Variants in PKNOX2 observed in about 807,000 individuals in gnomAD.
PKNOX2 encodes homeobox protein PKNOX2.
Under a neutral mutation model 53.1 loss-of-function variants are expected in PKNOX2, and 14 were observed. That is an observed-to-expected ratio of 0.26 (90% CI 0.17 to 0.41). PKNOX2 has a LOEUF of 0.41. Ranked by LOEUF, PKNOX2 falls within the 10% of genes least tolerant of loss-of-function variation. PKNOX2 has a pLI of 1.00. For missense variants in PKNOX2, 496 were observed against 602.8 expected, an observed-to-expected ratio of 0.82 and a Z score of 1.85; for synonymous variants, 257 against 242.8, an observed-to-expected ratio of 1.06 and a Z score of -0.54.
intron 2 of PKNOX2, among the ~76,000 whole-genome samples, chr11:125,270,346 C>T (rs535756152): frequency 6.6e-6 from 1 of 152,324 alleles, no homozygotes; most frequent in Non-Finnish European, 1.5e-5. Flanking sequence ...TGGGAGACTG[C>T]AGGTCCTGCC....
At chr11:125,349,845 A>ACACG (rs1951203520) in intron 3 of PKNOX2, among the ~76,000 whole-genome samples, 1 of 135,908 alleles carries the variant, frequency 7.4e-6, no homozygotes. Flanking sequence ...AATCACACAC[A>ACACG]CACACACACA....
rs559370720 is a variant in PKNOX2, at chr11:125,431,828, A to G, written c.*436A>G. The G allele has an allele frequency of 8.4e-5, 14 of 166,488 alleles. No homozygotes were observed. The East Asian group carries it at 2.4e-3, about 28-fold the overall frequency. 10.3% of individuals were successfully genotyped at this position (166,488 alleles called of 1,614,324 possible). On this transcript the variant is annotated 3_prime_UTR_variant, in exon 13 of 13. Coordinates refer to ENST00000298282, the MANE Select transcript of PKNOX2 (RefSeq NM_001382323.2). ...GAAGGAAGGGGAGAGACAAAGGGGG[A>G]CTGAGTTTCATCCCCAGAAGTTTCT...
chr11:125,337,080 T>C (rs192939973), intron 3 of PKNOX2, among the ~76,000 whole-genome samples: 49 of 152,230 alleles, frequency 3.2e-4, no homozygotes, highest in Non-Finnish European at 5.7e-4. Flanking sequence ...ATTTAGAAGA[T>C]TTATACTGTT....
In PKNOX2 at chr11:125,370,557, C is replaced by T. The variant is rs143265866; in HGVS notation, c.227+2572C>T. Among the ~76,000 whole-genome samples the T allele has an allele frequency of 3.0e-4, 45 of 152,374 alleles. No individual in the cohort carries two copies. The highest frequency in any genetic ancestry group is 1.1e-3 in the African/African-American group (44 of 41,586). ...AGCTGTCTGACCTGGAAGAGGGAAT[C>T]CCAGGCAAACGCGGCTGCCCCAGCA... On this transcript the variant is annotated intron_variant, in intron 5 of 12. Transcript: ENST00000298282. The surrounding 1 kb of genome is among the most constrained non-coding windows in gnomAD (Gnocchi z 4.1).
intron 1 of PKNOX2, among the ~76,000 whole-genome samples, chr11:125,226,018 A>G (rs73617554): frequency 6.6e-6 from 1 of 152,182 alleles, no homozygotes; most frequent in African/African-American, 2.4e-5. Flanking sequence ...AGGTGTGGCA[A>G]CTTGCCTCCT....
chr11:125,327,501 G>A (rs1949893609), intron 2 of PKNOX2, among the ~76,000 whole-genome samples: 1 of 152,212 alleles, frequency 6.6e-6, no homozygotes, highest in African/African-American at 2.4e-5. Context: ...GGCCCTGCCT[G>A]CTGTGCTGCT....
At chr11:125,276,119 G>T (rs1310822176) in intron 2 of PKNOX2, among the ~76,000 whole-genome samples, 1 of 152,200 alleles carries the variant, frequency 6.6e-6, no homozygotes, top group African/African-American at 2.4e-5. Context: ...GCCAAATGCT[G>T]CTGGGAAGTC....
In PKNOX2 at chr11:125,317,382, T is replaced by G. The variant is rs149305659; in HGVS notation, c.-129-14437T>G. On this transcript the variant is annotated intron_variant, in intron 2 of 12. Transcript: ENST00000298282. Reference sequence around the variant, plus strand: ...CCAGAAAGTTTTTAATTTTCTTTTCTCAGATCCACCAGAGGAATTGCTATC... The same window carrying G: ...CCAGAAAGTTTTTAATTTTCTTTTCGCAGATCCACCAGAGGAATTGCTATC... Among the ~76,000 whole-genome samples the G allele has an allele frequency of 1.9e-3, 286 of 152,364 alleles. 2 individuals carry two copies. Among genetic ancestry groups the G allele is most frequent in the African/African-American group, 6.7e-3 (277 of 41,584 alleles).
chr11:125,403,468 G>A (rs1440561618), intron 7 of PKNOX2, among the ~76,000 whole-genome samples: 1 of 152,154 alleles, frequency 6.6e-6, no homozygotes, highest in Non-Finnish European at 1.5e-5. Context: ...CTCAAACATG[G>A]TGTGTACTAG....
chr11:125,287,244 G>A (rs1591513301), intron 2 of PKNOX2, among the ~76,000 whole-genome samples: 1 of 152,180 alleles, frequency 6.6e-6, no homozygotes, highest in East Asian at 1.9e-4. Context: ...CTCTAGAGCT[G>A]TCTGACCCCA....
intron 10 of PKNOX2, among the ~76,000 whole-genome samples, chr11:125,421,365 T>C (rs1328298666): frequency 6.6e-6 from 1 of 152,096 alleles, no homozygotes; most frequent in Non-Finnish European, 1.5e-5. Context: ...AAGCATGTCA[T>C]GTGAGGAGCG....
At chr11:125,257,509 C>T (rs757943580) in intron 2 of PKNOX2, among the ~76,000 whole-genome samples, 24 of 152,254 alleles carry the variant, frequency 1.6e-4, no homozygotes, top group Non-Finnish European at 8.8e-5. Flanking sequence ...GTACGGGCTT[C>T]GGAATCGAAC....
intron 2 of PKNOX2, among the ~76,000 whole-genome samples, chr11:125,327,707 C>G (rs761996869): frequency 6.6e-6 from 1 of 152,088 alleles, no homozygotes; most frequent in Non-Finnish European, 1.5e-5. Flanking sequence ...TGAGTGGTCC[C>G]CCTTGTGCTT....
At chr11:125,344,855 T>G (rs372060064) in intron 3 of PKNOX2, among the ~76,000 whole-genome samples, 12 of 152,142 alleles carry the variant, frequency 7.9e-5, no homozygotes, top group African/African-American at 2.4e-4. Flanking sequence ...TCGCGGCTTA[T>G]TTTTGACCTC....
chr11:125,420,152 A>C (rs1591566736), intron 10 of PKNOX2, among the ~76,000 whole-genome samples: 1 of 150,224 alleles, frequency 6.7e-6, no homozygotes, highest in South Asian at 2.1e-4. Flanking sequence ...GTGCCACTGC[A>C]CTCCAGCCTG....
chr11:125,290,866 A>G (rs1947261081), intron 2 of PKNOX2, among the ~76,000 whole-genome samples: 1 of 151,922 alleles, frequency 6.6e-6, no homozygotes, highest in African/African-American at 2.4e-5. Flanking sequence ...AGCTCCACTG[A>G]GGAGACAGAG....
intron 1 of PKNOX2, among the ~76,000 whole-genome samples, chr11:125,210,504 A>G (rs555676911): frequency 1.3e-5 from 2 of 152,276 alleles, no homozygotes; most frequent in South Asian, 4.2e-4. Flanking sequence ...GGGGTGCAGC[A>G]CAGCGAGGCC....
At chr11:125,360,190 G>A (rs961543256) in intron 4 of PKNOX2, among the ~76,000 whole-genome samples, 2 of 152,026 alleles carry the variant, frequency 1.3e-5, no homozygotes, top group South Asian at 2.1e-4. Context: ...TGTCTGTGCT[G>A]AGAAGGTGAA....
intron 2 of PKNOX2, among the ~76,000 whole-genome samples, chr11:125,261,234 C>T (rs918852984): frequency 1.3e-5 from 2 of 152,152 alleles, no homozygotes; most frequent in Non-Finnish European, 2.9e-5. Context: ...GATGTTGCTG[C>T]TTCCTGGAGT....
Sources: allele counts gnomAD v4.1 joint callset (sites outside exome capture counted in the v4.1 genomes callset), GRCh38; gene constraint gnomAD v4.1.1; non-coding constraint Gnocchi (gnomAD v3.1); transcripts MANE v1.5; gene names NCBI Gene and HGNC (gene_info 2026-07-23, HGNC 2026-07-21).